Variants in FAF1 observed in about 807,000 individuals in gnomAD.
FAF1 encodes FAS-associated factor 1.
A neutral mutation model predicts 92.5 loss-of-function variants in FAF1; 25 were observed. The observed-to-expected ratio is 0.27, with a 90% CI of 0.20 to 0.38. The LOEUF is 0.38. Ranked by LOEUF, FAF1 falls within the 10% of genes least tolerant of loss-of-function variation. FAF1 has a pLI of 1.00. For synonymous variants in FAF1, 234 were observed against 273.2 expected, an observed-to-expected ratio of 0.86 and a Z score of 1.42; for missense variants, 636 against 793.3, an observed-to-expected ratio of 0.80 and a Z score of 2.38.
At chr1:50,528,703 G>A (rs75587670) in intron 15 of FAF1, among the ~76,000 whole-genome samples, 2,030 of 152,228 alleles carry the variant, frequency 0.013, 43 homozygotes, top group African/African-American at 0.045. Context: ...CCACTTACAT[G>A]GAGAGTTTTT....
At chr1:50,731,894 A>G (rs953975162) in intron 6 of FAF1, among the ~76,000 whole-genome samples, 2 of 152,020 alleles carry the variant, frequency 1.3e-5, no homozygotes, top group African/African-American at 4.8e-5. Context: ...TTATTACTTT[A>G]CTTATAATTT....
Position 50,816,443 on chromosome 1 carries a change from A to G in FAF1, c.115-14766T>C, listed in dbSNP as rs537911303. On this transcript the variant is annotated intron_variant, in intron 2 of 18. Coordinates refer to ENST00000396153, the MANE Select transcript of FAF1 (RefSeq NM_007051.3). ...ATGGTTTCAATCTCCTGACCTCGTG[A>G]TCCTTCCGCCTCGGCCTCCCAAAGT... Among the ~76,000 whole-genome samples the G allele has an allele frequency of 2.6e-5, 4 of 151,936 alleles. No homozygotes were observed. In the East Asian group the frequency reaches 7.8e-4, roughly 30 times the overall value.
At chr1:50,508,423 G>C (rs1647087308) in intron 15 of FAF1, among the ~76,000 whole-genome samples, 2 of 152,220 alleles carry the variant, frequency 1.3e-5, no homozygotes, top group Admixed American at 1.3e-4. Flanking sequence ...ATGAATTACT[G>C]ATACATGCTA....
chr1:50,873,322 A>G (rs1366199168), intron 1 of FAF1, among the ~76,000 whole-genome samples: 2 of 152,194 alleles, frequency 1.3e-5, no homozygotes, highest in Admixed American at 6.5e-5. Context: ...CTGAGCCTAA[A>G]ATAGTTCTCA....
intron 15 of FAF1, among the ~76,000 whole-genome samples, chr1:50,508,531 A>G (rs1406004939): frequency 6.6e-6 from 1 of 152,216 alleles, no homozygotes; most frequent in African/African-American, 2.4e-5. Context: ...AGAACATGCA[A>G]ATCCCTCAAG....
intron 8 of FAF1, among the ~76,000 whole-genome samples, chr1:50,639,185 T>C (rs1654203684): frequency 6.6e-6 from 1 of 152,238 alleles, no homozygotes; most frequent in East Asian, 1.9e-4. Flanking sequence ...ACAATTTGCT[T>C]ATCATTCACT....
chr1:50,668,733 C>T (rs1569721434), intron 7 of FAF1, among the ~76,000 whole-genome samples: 1 of 152,108 alleles, frequency 6.6e-6, no homozygotes, highest in South Asian at 2.1e-4. Flanking sequence ...AAACCCAACC[C>T]AAGGATTCAC....
At position 50,583,744 on chromosome 1, in the gene FAF1, A is replaced by G; in HGVS notation, c.968-29T>C. ...AAAAACAAACAAAAGAAAAAACAAA[A>G]ACAAAAAAACAAAACAAATAGACAC... On this transcript the variant is annotated intron_variant, in intron 10 of 18. Coordinates refer to ENST00000396153, the MANE Select transcript of FAF1 (RefSeq NM_007051.3). The surrounding 1 kb of genome is among the most constrained non-coding windows in gnomAD (Gnocchi z 4.2). 6.8e-7 allele frequency: 1 copy of G among 1,464,490 alleles called. No individual in the cohort carries two copies. The highest frequency in any genetic ancestry group is 9.4e-7 in the Non-Finnish European group (1 of 1,062,690). The allele number at this position is 1,464,490 out of a possible 1,614,324, so 90.7% of individuals were successfully genotyped here.
chr1:50,682,558 T>C (rs1656470841), intron 7 of FAF1, among the ~76,000 whole-genome samples: 6 of 152,204 alleles, frequency 3.9e-5, no homozygotes, highest in Admixed American at 3.9e-4. Context: ...ATTAAACCTA[T>C]TGTTTAAAAT....
At chr1:50,797,826 T>C (rs961370960) in intron 3 of FAF1, among the ~76,000 whole-genome samples, 1 of 152,190 alleles carries the variant, frequency 6.6e-6, no homozygotes, top group African/African-American at 2.4e-5. Context: ...CTAAGCAGCA[T>C]AGCAAGACCT....
chr1:50,601,702 T>A (rs1455664503), intron 8 of FAF1, among the ~76,000 whole-genome samples: 2 of 149,720 alleles, frequency 1.3e-5, no homozygotes, highest in Non-Finnish European at 3.0e-5. Context: ...CATATATATA[T>A]ATATACACAC....
At chr1:50,871,122 G>C (rs1188282381) in intron 1 of FAF1, among the ~76,000 whole-genome samples, 1 of 152,234 alleles carries the variant, frequency 6.6e-6, no homozygotes, top group African/African-American at 2.4e-5. Flanking sequence ...ACCTAATGCA[G>C]AGCAAGGACC....
rs146339474 is a variant in FAF1, at chr1:50,534,359, C to T, written c.1494+1010G>A. On this transcript the variant is annotated intron_variant, in intron 15 of 18. Transcript: ENST00000396153. Reference sequence around the variant, plus strand: ...ACAGTGGCATGATCTTGGCTCACTGCAACCTCCACCTCCCAGGTTCAAGCG... The same window carrying T: ...ACAGTGGCATGATCTTGGCTCACTGTAACCTCCACCTCCCAGGTTCAAGCG... Among the ~76,000 whole-genome samples, 1,331 of 152,256 alleles carry T rather than the reference C, an allele frequency of 8.7e-3. 6 individuals carry two copies. Among genetic ancestry groups the T allele is most frequent in the Non-Finnish European group, 0.014 (921 of 68,002 alleles).
At chr1:50,700,675 C>T (rs963522923) in intron 7 of FAF1, among the ~76,000 whole-genome samples, 9 of 152,084 alleles carry the variant, frequency 5.9e-5, no homozygotes, top group African/African-American at 2.2e-4. Flanking sequence ...ACACATAAAT[C>T]ACAGATGATG....
intron 1 of FAF1, among the ~76,000 whole-genome samples, chr1:50,901,408 T>C (rs1182212446): frequency 6.6e-6 from 1 of 152,126 alleles, no homozygotes; most frequent in South Asian, 2.1e-4. Flanking sequence ...AAGCCAAATG[T>C]TACAGGGCTG....
At chr1:50,452,258 T>C (rs926547813) in intron 18 of FAF1, 29 of 825,110 alleles carry the variant, frequency 3.5e-5, no homozygotes, top group African/African-American at 2.0e-4. Context: ...TGCAAGCTCA[T>C]TGCCCCTGAA....
At chr1:50,746,279 TATATATATATA>T (rs1659605089) in intron 4 of FAF1, among the ~76,000 whole-genome samples, 9 of 19,796 alleles carry the variant, frequency 4.5e-4, no homozygotes, top group African/African-American at 1.9e-3. Flanking sequence ...TATATATATA[TATATATATATA>T]TATTTTTTTT....
At chr1:50,581,940 T>C (rs1651005004) in intron 12 of FAF1, among the ~76,000 whole-genome samples, 1 of 152,118 alleles carries the variant, frequency 6.6e-6, no homozygotes, top group African/African-American at 2.4e-5. Flanking sequence ...AAATAGTGAT[T>C]AGAATCTTCT....
intron 3 of FAF1, 76 bp from the exon 4 acceptor site, chr1:50,788,281 T>G: frequency 8.0e-7 from 1 of 1,243,874 alleles, no homozygotes; most frequent in Non-Finnish European, 1.2e-6. Context: ...CTCTCCATAC[T>G]TGGCTTGTGT....
Sources: gnomAD v4.1 joint callset for allele counts (sites outside exome capture counted in the v4.1 genomes callset) on GRCh38, gnomAD v4.1.1 for gene constraint, Gnocchi (gnomAD v3.1) non-coding constraint, MANE v1.5 for transcripts, NCBI Gene and HGNC (gene_info 2026-07-23, HGNC 2026-07-21) for gene names.